MACROD2: variants seen among roughly 807,000 people sequenced by gnomAD.
The protein encoded by MACROD2 is mono-ADP ribosylhydrolase 2.
A neutral mutation model predicts 70.4 loss-of-function variants in MACROD2; 36 were observed. That is an observed-to-expected ratio of 0.51 (90% confidence interval 0.39 to 0.68). The LOEUF is 0.68. Among genes scored for constraint, MACROD2 ranks in the 30% least tolerant of loss-of-function variants. The pLI, the probability that MACROD2 is intolerant of heterozygous loss-of-function variation, is 0.00. For synonymous variants in MACROD2, 172 were observed against 178.8 expected, an observed-to-expected ratio of 0.96 and a Z score of 0.30; for missense variants, 496 against 538.4, an observed-to-expected ratio of 0.92 and a Z score of 0.78.
intron 3 of MACROD2, among the ~76,000 whole-genome samples, chr20:14,363,024 T>C (rs2083237858): frequency 6.6e-6 from 1 of 152,144 alleles, no homozygotes; most frequent in African/African-American, 2.4e-5. Context: ...GTCTGACACC[T>C]GTTTATTTAT....
At chr20:15,646,612 C>T (rs183986309) in intron 8 of MACROD2, among the ~76,000 whole-genome samples, 5 of 152,250 alleles carry the variant, frequency 3.3e-5, no homozygotes, top group African/African-American at 4.8e-5. Flanking sequence ...ATAGTCCGCA[C>T]GTATCGAGGG....
chr20:14,017,061 T>C (rs1039039722), intron 2 of MACROD2, among the ~76,000 whole-genome samples: 1 of 152,202 alleles, frequency 6.6e-6, no homozygotes, highest in Non-Finnish European at 1.5e-5. Flanking sequence ...ATCTTTCACA[T>C]CCTTGGTTAA....
At chr20:15,906,271 A>G (rs1458868121) in intron 10 of MACROD2, among the ~76,000 whole-genome samples, 1 of 152,234 alleles carries the variant, frequency 6.6e-6, no homozygotes, top group East Asian at 1.9e-4. Flanking sequence ...ACCAAATCAG[A>G]AAGCTGCATG....
chr20:14,332,267 A>C (rs1026446895), intron 3 of MACROD2, among the ~76,000 whole-genome samples: 1 of 152,048 alleles, frequency 6.6e-6, no homozygotes, highest in Non-Finnish European at 1.5e-5. Flanking sequence ...TCCATGATAC[A>C]CCCAATAAAA....
chr20:15,451,145 T>C (rs1340836846), intron 7 of MACROD2, among the ~76,000 whole-genome samples: 1 of 152,096 alleles, frequency 6.6e-6, no homozygotes, highest in South Asian at 2.1e-4. Flanking sequence ...GGAAGAAAGA[T>C]GGGCTGCCTC....
chr20:14,527,190 G>A (rs1414352216), intron 4 of MACROD2, among the ~76,000 whole-genome samples: 3 of 152,140 alleles, frequency 2.0e-5, no homozygotes, highest in Admixed American at 6.5e-5. Context: ...TCTTCTCGAC[G>A]TCCAGCCACC....
At chr20:15,658,828 T>C (rs1013025991) in intron 8 of MACROD2, among the ~76,000 whole-genome samples, 2 of 152,174 alleles carry the variant, frequency 1.3e-5, no homozygotes, top group Admixed American at 6.5e-5. Flanking sequence ...CCCAGTGATA[T>C]GTTGGTGCAA....
At chr20:14,292,943 G>A (rs2122456603) in intron 3 of MACROD2, among the ~76,000 whole-genome samples, 1 of 151,906 alleles carries the variant, frequency 6.6e-6, no homozygotes, top group Admixed American at 6.6e-5. Context: ...CCTCATTCAT[G>A]CATTTATTCA....
chr20:15,610,238 G>C (rs2048948344), intron 8 of MACROD2, among the ~76,000 whole-genome samples: 1 of 152,084 alleles, frequency 6.6e-6, no homozygotes, highest in Admixed American at 6.5e-5. Flanking sequence ...TCCCTTCCTG[G>C]ACACGATCTT....
chr20:15,674,081 A>G (rs1052192991), intron 8 of MACROD2, among the ~76,000 whole-genome samples: 1 of 151,872 alleles, frequency 6.6e-6, no homozygotes, highest in Admixed American at 6.6e-5. Context: ...CTGATTTAGT[A>G]GGATTTGGTG....
chr20:15,275,268 G>A (rs988669545), intron 6 of MACROD2, among the ~76,000 whole-genome samples: 2 of 152,118 alleles, frequency 1.3e-5, no homozygotes, highest in Admixed American at 1.3e-4. Context: ...AACCTCCCAG[G>A]TCATTTTAAC....
At chr20:15,528,223 C>G (rs1425585821) in intron 8 of MACROD2, among the ~76,000 whole-genome samples, 1 of 152,186 alleles carries the variant, frequency 6.6e-6, no homozygotes, top group Non-Finnish European at 1.5e-5. Flanking sequence ...TAACCTCCAC[C>G]TCCCGGGCTC....
chr20:15,327,939 T>C (rs997706766), intron 6 of MACROD2, among the ~76,000 whole-genome samples: 1 of 152,146 alleles, frequency 6.6e-6, no homozygotes, highest in Non-Finnish European at 1.5e-5. Context: ...AACAGAATTA[T>C]CACTATCCTT....
At chr20:15,021,264 GT>G (rs1568535086) in intron 5 of MACROD2, among the ~76,000 whole-genome samples, 106 of 7,882 alleles carry the variant, frequency 0.013, 1 homozygote, top group South Asian at 0.022. Flanking sequence ...ACACACACCT[GT>G]GTGTGTGTAT....
chr20:14,743,778 G>A (rs2071763930), intron 5 of MACROD2, among the ~76,000 whole-genome samples: 1 of 152,120 alleles, frequency 6.6e-6, no homozygotes, highest in Admixed American at 6.5e-5. Flanking sequence ...TGGCAAAATG[G>A]ACTTTGCAGA....
At chr20:15,571,793 T>C (rs1026434298) in intron 8 of MACROD2, among the ~76,000 whole-genome samples, 1 of 152,254 alleles carries the variant, frequency 6.6e-6, no homozygotes, top group Non-Finnish European at 1.5e-5. Flanking sequence ...AAGGATTACT[T>C]GGTCAGACAG....
chr20:14,077,095 A>G (rs1245932315), intron 2 of MACROD2, among the ~76,000 whole-genome samples: 1 of 152,176 alleles, frequency 6.6e-6, no homozygotes, highest in Non-Finnish European at 1.5e-5. Flanking sequence ...GCTTTGTTTA[A>G]TGTTATAGTA....
At chr20:15,157,276 G>A (rs2076313286) in intron 5 of MACROD2, among the ~76,000 whole-genome samples, 1 of 151,372 alleles carries the variant, frequency 6.6e-6, no homozygotes, top group South Asian at 2.1e-4. Flanking sequence ...TCTGATGCAT[G>A]CTCTCAGAGA....
intron 4 of MACROD2, among the ~76,000 whole-genome samples, chr20:14,546,152 C>T (rs2085489791): frequency 6.6e-6 from 1 of 152,090 alleles, no homozygotes; most frequent in Non-Finnish European, 1.5e-5. Context: ...GCTATCCATC[C>T]ACATTGTAGA....
Sources: allele counts gnomAD v4.1 joint callset (sites outside exome capture counted in the v4.1 genomes callset), GRCh38; gene constraint gnomAD v4.1.1; transcripts MANE v1.5; gene names NCBI Gene and HGNC (gene_info 2026-07-23, HGNC 2026-07-21).